DAPK1: variants seen among roughly 807,000 people sequenced by gnomAD.
The protein encoded by DAPK1 is death-associated protein kinase 1.
Under a neutral mutation model 144.9 loss-of-function variants are expected in DAPK1, and 56 were observed. The observed-to-expected ratio is 0.39, with a 90% confidence interval of 0.31 to 0.48. DAPK1 has a LOEUF of 0.48. DAPK1 is among the 20% of genes least tolerant of loss of function. The probability of loss-of-function intolerance (pLI) is 0.95; values close to 1 mark genes in which losing one functional copy is unlikely to be tolerated. For missense variants in DAPK1, 1,454 were observed against 1,875.4 expected (o/e 0.78, Z 4.15); for synonymous variants, 690 against 749.0 (o/e 0.92, Z 1.29).
chr9:87,635,502 C>T (rs1829858934), intron 3 of DAPK1, among the ~76,000 whole-genome samples: 1 of 152,114 alleles, frequency 6.6e-6, no homozygotes, highest in Non-Finnish European at 1.5e-5. Flanking sequence ...CACCTTCTTC[C>T]TGGGAAGCAC....
In DAPK1 at chr9:87,528,796, C is replaced by T. The variant is rs561178908; in HGVS notation, c.62+29657C>T. On this transcript the variant is annotated intron_variant, in intron 2 of 25. Transcript: ENST00000408954. ...CTGAGGCAGGAGAATTTCTTGAACCCAGGAGGCGGAGGTTGCAGTGAACCG... is the reference window on the plus strand; with the variant it reads ...CTGAGGCAGGAGAATTTCTTGAACCTAGGAGGCGGAGGTTGCAGTGAACCG... Among the ~76,000 whole-genome samples, 35 of 149,920 alleles carry T rather than the reference C, an allele frequency of 2.3e-4. 1 individual carries two copies. In the South Asian group the frequency reaches 7.2e-3, roughly 31 times the overall value.
chr9:87,630,428 T>C (rs2119088641), intron 3 of DAPK1, among the ~76,000 whole-genome samples: 1 of 152,306 alleles, frequency 6.6e-6, no homozygotes, highest in Middle Eastern at 3.4e-3. Context: ...GTTGATGACC[T>C]CCTCCAGGCA....
chr9:87,703,434 C>T (rs1235625007), intron 25 of DAPK1, among the ~76,000 whole-genome samples: 2 of 151,512 alleles, frequency 1.3e-5, no homozygotes, highest in Non-Finnish European at 2.9e-5. Flanking sequence ...TTTGTCTTGT[C>T]GTGTTTTGCT....
At chr9:87,687,716 A>G (rs1340396447) in intron 21 of DAPK1, among the ~76,000 whole-genome samples, 1 of 152,110 alleles carries the variant, frequency 6.6e-6, no homozygotes, top group African/African-American at 2.4e-5. Context: ...AGAAATCTCC[A>G]TGCTATTTTC....
intron 19 of DAPK1, among the ~76,000 whole-genome samples, chr9:87,681,050 G>A (rs185087277): frequency 2.2e-4 from 34 of 152,232 alleles, no homozygotes; most frequent in East Asian, 5.8e-4. Flanking sequence ...AGGCCAAGGC[G>A]GGCGGATCAC....
chr9:87,610,952 A>AAGCACATACTTTATCT lies in DAPK1; in HGVS notation c.284+5806_284+5821dup, dbSNP rs201182728. Among the ~76,000 whole-genome samples, 4 of 152,272 alleles carry AAGCACATACTTTATCT rather than the reference A, an allele frequency of 2.6e-5. No homozygotes were observed. In the East Asian group the frequency reaches 7.7e-4, roughly 29 times the overall value. ...ATCCAAATTCTAGCCTGTTTTATGT[A>AAGCACATACTTTATCT]AGCACATACTTTATCTAGCACATAC... On this transcript the variant is annotated intron_variant, in intron 3 of 25. Coordinates refer to ENST00000408954, the MANE Select transcript of DAPK1 (RefSeq NM_004938.4).
At chr9:87,635,087 G>GT (rs1161414812) in intron 3 of DAPK1, among the ~76,000 whole-genome samples, 1 of 152,110 alleles carries the variant, frequency 6.6e-6, no homozygotes, top group East Asian at 1.9e-4. Flanking sequence ...TGGTCCCCTC[G>GT]TTTTTGCCAT....
intron 19 of DAPK1, 122 bp from the exon 20 acceptor site, chr9:87,681,282 A>AAAAAAAAG (rs965869014): frequency 1.5e-6 from 1 of 677,078 alleles, no homozygotes; most frequent in African/African-American, 1.8e-5. Context: ...CCGTCTCAAA[A>AAAAAAAAG]AAGAAAAAAA....
At position 87,706,046 on chromosome 9, in the gene DAPK1, G is replaced by A. The variant is rs575559604; in HGVS notation, c.3061-86G>A. ...AGCATCTGCTCAGCCTCTGTTGCCG[G>A]CATCAGGCCCTTTAGTGCTCTAAGT... is the stretch of plus-strand genomic sequence containing the variant. On this transcript the variant is annotated intron_variant, in intron 25 of 25. Coordinates refer to ENST00000408954, the MANE Select transcript of DAPK1 (RefSeq NM_004938.4). The surrounding 1 kb of genome is among the most constrained non-coding windows in gnomAD (Gnocchi z 9.0). 1.0e-5 allele frequency: 10 copies of A among 961,220 alleles called. No individual in the cohort carries two copies. The South Asian group carries it at 1.2e-4, about 12-fold the overall frequency. 59.5% of individuals were successfully genotyped at this position (961,220 alleles called of 1,614,324 possible).
intron 19 of DAPK1, among the ~76,000 whole-genome samples, chr9:87,679,401 G>T (rs1164960878): frequency 2.0e-5 from 3 of 152,022 alleles, no homozygotes; most frequent in Non-Finnish European, 2.9e-5. Flanking sequence ...TGCACCTCAC[G>T]GCTCCAAACA....
Position 87,686,786 on chromosome 9 carries a change from C to A in DAPK1, c.2413+47C>A, listed in dbSNP as rs1263595317. On this transcript the variant is annotated intron_variant, in intron 21 of 25. Transcript: ENST00000408954. The surrounding 1 kb of genome is among the most constrained non-coding windows in gnomAD (Gnocchi z 4.2). ...GGAAGGACCTCAGGTTTCCCTTCAACAGGGTTGTAAGTCATCCCTAAAGGG... is the reference window on the plus strand; with the variant it reads ...GGAAGGACCTCAGGTTTCCCTTCAAAAGGGTTGTAAGTCATCCCTAAAGGG... 2 of 1,483,702 alleles carry A rather than the reference C, an allele frequency of 1.3e-6. No individual in the cohort carries two copies. The highest frequency in any genetic ancestry group is 1.4e-5 in the African/African-American group (1 of 72,576). 91.9% of individuals were successfully genotyped at this position (1,483,702 alleles called of 1,614,324 possible).
At position 87,610,984 on chromosome 9, in the gene DAPK1, TAGCACATACTTTGTAAGTATGTG is replaced by T. The variant is rs1399785349; in HGVS notation, c.284+5822_284+5844del. ...TACTTTATCTAGCACATACTTTATC[TAGCACATACTTTGTAAGTATGTG>T]AGCACATACTTTATCTAGCACAGAC... On this transcript the variant is annotated intron_variant, in intron 3 of 25. Coordinates refer to ENST00000408954, the MANE Select transcript of DAPK1 (RefSeq NM_004938.4). Among the ~76,000 whole-genome samples, 372 of 147,200 alleles carry T rather than the reference TAGCACATACTTTGTAAGTATGTG, an allele frequency of 2.5e-3. 1 individual carries two copies. The highest frequency in any genetic ancestry group is 8.1e-3 in the African/African-American group (324 of 40,088).
At chr9:87,575,986 G>T (rs1158172881) in intron 2 of DAPK1, among the ~76,000 whole-genome samples, 1 of 152,204 alleles carries the variant, frequency 6.6e-6, no homozygotes, top group Non-Finnish European at 1.5e-5. Context: ...TGTGAATGCA[G>T]CGAAGTCCTG....
At chr9:87,578,825 A>G (rs185893585) in intron 2 of DAPK1, among the ~76,000 whole-genome samples, 1 of 152,216 alleles carries the variant, frequency 6.6e-6, no homozygotes, top group Admixed American at 6.5e-5. Context: ...TTTATCTTTC[A>G]ATGTCTGACA....
chr9:87,535,930 G>A (rs994329759), intron 2 of DAPK1, among the ~76,000 whole-genome samples: 2 of 152,110 alleles, frequency 1.3e-5, no homozygotes, highest in Non-Finnish European at 2.9e-5. Context: ...TTTGCTCATC[G>A]GTTTTCTGAA....
chr9:87,633,263 G>T (rs1829777209), intron 3 of DAPK1: 1 of 984,422 alleles, frequency 1.0e-6, no homozygotes, highest in African/African-American at 1.8e-5. Flanking sequence ...AGAAATGAAG[G>T]AAATGTAGGG....
intron 21 of DAPK1, among the ~76,000 whole-genome samples, chr9:87,688,370 G>A (rs1179773356): frequency 2.6e-5 from 4 of 152,204 alleles, no homozygotes; most frequent in East Asian, 1.9e-4. Context: ...ACTCCGTGTC[G>A]TTGCTGTTGT....
intron 3 of DAPK1, among the ~76,000 whole-genome samples, chr9:87,630,370 T>G (rs907737937): frequency 9.2e-5 from 14 of 152,286 alleles, no homozygotes; most frequent in African/African-American, 3.4e-4. Flanking sequence ...AGCTTAACAT[T>G]ATAGGATTTA....
chr9:87,550,700 A>G (rs998471863), intron 2 of DAPK1, among the ~76,000 whole-genome samples: 7 of 152,144 alleles, frequency 4.6e-5, no homozygotes, highest in Admixed American at 2.6e-4. Flanking sequence ...ACATCAGTAT[A>G]CAAATTTGAG....
Sources: gnomAD v4.1 joint callset for allele counts (sites outside exome capture counted in the v4.1 genomes callset) on GRCh38, gnomAD v4.1.1 for gene constraint, Gnocchi (gnomAD v3.1) non-coding constraint, MANE v1.5 for transcripts, NCBI Gene and HGNC (gene_info 2026-07-23, HGNC 2026-07-21) for gene names.